The following CEP164 variants were observed in gnomAD, a reference collection of about 807,000 sequenced individuals.
The protein encoded by CEP164 is centrosomal protein 164.
In CEP164, 162 loss-of-function variants were observed where a neutral mutation model predicts 182.7. The ratio of observed to expected loss-of-function variants is 0.89; its 90% confidence interval spans 0.78 to 1.01. CEP164 has a LOEUF of 1.01. Among genes scored for constraint, CEP164 ranks in the 50% least tolerant of loss-of-function variants. CEP164 has a pLI of 0.00. For missense variants in CEP164, 1,735 were observed against 1,790.4 expected (o/e 0.97, Z 0.56); for synonymous variants, 661 against 690.0 (o/e 0.96, Z 0.66).
At chr11:117,337,741 C>T (rs1490946929) in intron 2 of CEP164, among the ~76,000 whole-genome samples, 1 of 152,128 alleles carries the variant, frequency 6.6e-6, no homozygotes, top group Admixed American at 6.6e-5. Flanking sequence ...TTCTCCAATC[C>T]AGCCATGCCA....
intron 4 of CEP164, among the ~76,000 whole-genome samples, chr11:117,346,478 T>C (rs1403209099): frequency 6.6e-6 from 1 of 151,962 alleles, no homozygotes; most frequent in African/African-American, 2.4e-5. Flanking sequence ...AGGCTGGTCT[T>C]GAACTCCTGA....
intron 15 of CEP164, among the ~76,000 whole-genome samples, chr11:117,390,560 C>T (rs1164014302): frequency 6.6e-6 from 1 of 150,824 alleles, no homozygotes; most frequent in East Asian, 2.0e-4. Flanking sequence ...TGCTTAAGCC[C>T]AGGAGTTTAA....
At position 117,409,515 on chromosome 11, in the gene CEP164, C is replaced by A. The variant is rs932459022; in HGVS notation, c.3749-103C>A. Reference sequence around the variant, plus strand: ...GTTGAGGGGCTGTTGTCTGGAGAAGCAGGGAGGGGTGGCCAGTAGGGTCCT... The same window carrying A: ...GTTGAGGGGCTGTTGTCTGGAGAAGAAGGGAGGGGTGGCCAGTAGGGTCCT... On this transcript the variant is annotated intron_variant, in intron 29 of 32. Coordinates refer to ENST00000278935, the MANE Select transcript of CEP164 (RefSeq NM_014956.5). This position sits in a 1 kb window ranked among gnomAD's most constrained non-coding sequence, Gnocchi z 4.4. 41 of 1,007,940 alleles carry A rather than the reference C, an allele frequency of 4.1e-5. No individual in the cohort carries two copies. In the Admixed American group the frequency reaches 6.9e-4, roughly 17 times the overall value. The allele number at this position is 1,007,940 out of a possible 1,614,324, so 62.4% of individuals were successfully genotyped here.
chr11:117,400,783 C>T (rs7928581), intron 27 of CEP164, among the ~76,000 whole-genome samples: 141,238 of 152,242 alleles, frequency 0.93, 65,655 homozygotes, highest in African/African-American at 0.96. Context: ...TTTGGCTCTC[C>T]GTTTGCCTAT....
At chr11:117,374,725 A>C (rs2042561429) in intron 10 of CEP164, among the ~76,000 whole-genome samples, 1 of 152,264 alleles carries the variant, frequency 6.6e-6, no homozygotes, top group Admixed American at 6.5e-5. Flanking sequence ...TCTCGGAAGC[A>C]AGGGGGCTGG....
chr11:117,362,180 C>T (rs1183685629), intron 6 of CEP164, among the ~76,000 whole-genome samples, 187 bp downstream of exon 6: 1 of 152,174 alleles, frequency 6.6e-6, no homozygotes, highest in Non-Finnish European at 1.5e-5. Context: ...AGGATAGACC[C>T]ATGCTGTAGG....
At chr11:117,400,347 A>C (rs1183041141) in intron 27 of CEP164, among the ~76,000 whole-genome samples, 1 of 151,968 alleles carries the variant, frequency 6.6e-6, no homozygotes, top group Non-Finnish European at 1.5e-5. Flanking sequence ...TGGCTTATAT[A>C]TCTGTTTTGG....
chr11:117,352,577 A>G (rs2039783601), intron 5 of CEP164, among the ~76,000 whole-genome samples: 1 of 152,088 alleles, frequency 6.6e-6, no homozygotes, highest in African/African-American at 2.4e-5. Context: ...TTTAACTGCA[A>G]TGTGATTTCC....
chr11:117,354,198 A>G (rs2040032813), intron 5 of CEP164, among the ~76,000 whole-genome samples: 1 of 151,856 alleles, frequency 6.6e-6, no homozygotes, highest in Non-Finnish European at 1.5e-5. Flanking sequence ...TTGTATTTTT[A>G]GTAGACATGG....
At chr11:117,368,695 A>G (rs1400965910) in intron 8 of CEP164, among the ~76,000 whole-genome samples, 3 of 151,934 alleles carry the variant, frequency 2.0e-5, no homozygotes, top group Non-Finnish European at 2.9e-5. Context: ...AGTCCTTAGA[A>G]CCCCACAGAC....
At chr11:117,364,367 G>T (rs1220210265) in intron 8 of CEP164, among the ~76,000 whole-genome samples, 1 of 152,146 alleles carries the variant, frequency 6.6e-6, no homozygotes, top group Non-Finnish European at 1.5e-5. Flanking sequence ...AACTTTAGAA[G>T]TGCTTATATC....
intron 3 of CEP164, among the ~76,000 whole-genome samples, 191 bp from the exon 4 acceptor site, chr11:117,343,975 G>A (rs1028600732): frequency 6.6e-6 from 1 of 152,036 alleles, no homozygotes; most frequent in African/African-American, 2.4e-5. Context: ...ATCATTGTGT[G>A]GAGATAGCAT....
At chr11:117,382,259 C>T (rs1007783101) in intron 13 of CEP164, among the ~76,000 whole-genome samples, 5 of 152,180 alleles carry the variant, frequency 3.3e-5, no homozygotes, top group African/African-American at 1.2e-4. Context: ...CTAGTCCCCT[C>T]CCTACCAGCA....
intron 8 of CEP164, 50 bp downstream of exon 8, chr11:117,363,556 C>G: frequency 7.4e-7 from 1 of 1,343,260 alleles, no homozygotes; most frequent in Non-Finnish European, 1.1e-6. Context: ...GCATATCCCT[C>G]CTGTTTTTAT....
intron 28 of CEP164, among the ~76,000 whole-genome samples, 182 bp downstream of exon 28, chr11:117,408,214 A>G (rs2136889058): frequency 6.6e-6 from 1 of 152,264 alleles, no homozygotes; most frequent in Non-Finnish European, 1.5e-5. Context: ...TTTGTTGAAG[A>G]CACCTGTGGG....
chr11:117,380,814 C>A, intron 12 of CEP164, 109 bp downstream of exon 12: 1 of 957,724 alleles, frequency 1.0e-6, no homozygotes. Context: ...AGTTGCTTGG[C>A]AGCAGGTGAT....
intron 27 of CEP164, among the ~76,000 whole-genome samples, chr11:117,406,040 T>C (rs2046639935): frequency 6.6e-6 from 1 of 152,248 alleles, no homozygotes; most frequent in African/African-American, 2.4e-5. Flanking sequence ...CCTCTGCCTG[T>C]TACCCATTTC....
intron 1 of CEP164, among the ~76,000 whole-genome samples, chr11:117,329,839 CTTTTTT>C (rs61429989): frequency 3.7e-4 from 35 of 95,564 alleles, no homozygotes; most frequent in Non-Finnish European, 4.7e-4. Flanking sequence ...TGCGCCTGGC[CTTTTTT>C]TTTTTTTTTT....
rs548285659 is a variant in CEP164, at chr11:117,408,428, C to T, written c.3609+396C>T. The T allele has an allele frequency of 2.3e-4, 52 of 229,284 alleles. No individual in the cohort carries two copies. The South Asian group carries it at 2.7e-3, about 12-fold the overall frequency. 14.2% of individuals were successfully genotyped at this position (229,284 alleles called of 1,614,324 possible). A position where few individuals can be genotyped will look rare whatever the true frequency, so the allele number is the denominator to read the frequency against. ...CTAGATGTCTGAGGCTTAGGTGTAGCGGGGGAGGCTTAGGTGGAGTAACAC... is the reference window on the plus strand; with the variant it reads ...CTAGATGTCTGAGGCTTAGGTGTAGTGGGGGAGGCTTAGGTGGAGTAACAC... On this transcript the variant is annotated intron_variant, in intron 28 of 32. Coordinates refer to ENST00000278935, the MANE Select transcript of CEP164 (RefSeq NM_014956.5).
Sources: allele counts gnomAD v4.1 joint callset (sites outside exome capture counted in the v4.1 genomes callset), GRCh38; gene constraint gnomAD v4.1.1; non-coding constraint Gnocchi (gnomAD v3.1); transcripts MANE v1.5; gene names NCBI Gene and HGNC (gene_info 2026-07-23, HGNC 2026-07-21).